Variants in ZIM2 observed in about 807,000 individuals in gnomAD.
The protein encoded by ZIM2 is zinc finger imprinted 2, also known as zinc finger protein 656.
Under a neutral mutation model 38.6 loss-of-function variants are expected in ZIM2, and 14 were observed. The ratio of observed to expected loss-of-function variants is 0.36; its 90% CI spans 0.24 to 0.57. The LOEUF is 0.57. ZIM2 is among the 20% of genes least tolerant of loss of function. The pLI, the probability that ZIM2 is intolerant of heterozygous loss-of-function variation, is 0.81. For synonymous variants in ZIM2, 247 were observed against 245.8 expected, an observed-to-expected ratio of 1.00 and a Z score of -0.04; for missense variants, 680 against 695.1, an observed-to-expected ratio of 0.98 and a Z score of 0.24.
intron 9 of ZIM2, chr19:56,815,664 G>A (rs1341796850): frequency 1.2e-6 from 2 of 1,614,012 alleles, no homozygotes; most frequent in African/African-American, 1.3e-5. Flanking sequence ...GGACATTTGA[G>A]CTGGGAACAG....
intron 2 of ZIM2, chr19:56,833,272 C>T: frequency 2.2e-6 from 1 of 455,220 alleles, no homozygotes; most frequent in South Asian, 1.6e-5. Context: ...ATTCAGCCCC[C>T]TAACTCGTTC....
At chr19:56,779,682 C>A (rs2046222010) in intron 11 of ZIM2, among the ~76,000 whole-genome samples, 1 of 152,030 alleles carries the variant, frequency 6.6e-6, no homozygotes, top group African/African-American at 2.4e-5. Context: ...GGAGGGGTTC[C>A]TAGTGTCTAG....
At chr19:56,832,387 G>A (rs1468205821) in intron 2 of ZIM2, among the ~76,000 whole-genome samples, 1 of 151,954 alleles carries the variant, frequency 6.6e-6, no homozygotes, top group East Asian at 1.9e-4. Flanking sequence ...CACAGAGGGG[G>A]CTAACACGCA....
chr19:56,774,758 C>A lies in ZIM2; in HGVS notation c.1607G>T (p.Arg536Leu). The A allele has an allele frequency of 1.9e-6, 3 of 1,614,072 alleles. No homozygotes were observed. The highest frequency in any genetic ancestry group is 2.5e-6 in the Non-Finnish European group (3 of 1,180,012). The part of the protein sequence containing the change: ...QCQLCGKCFG[R>L]PSYLTQHYQL... The stretch of plus-strand genomic sequence containing the variant: ...ATAATGTTGAGTGAGGTATGAGGGT[C>A]GGCCGAAACATTTCCCACATAGCTG... Residue 536 changes from arginine (R) to leucine (L), a missense_variant, in exon 13 of 13, where the codon CGA becomes CTA. Arg to Leu is a moderately radical substitution (Grantham distance 102, BLOSUM62 -2). Transcript: ENST00000629319.
intron 12 of ZIM2, among the ~76,000 whole-genome samples, chr19:56,778,192 T>A (rs2046124435): frequency 1.3e-5 from 2 of 152,242 alleles, no homozygotes. Flanking sequence ...GGAAGAGATT[T>A]GTCTGTCTTA....
rs2045941292 is a variant in ZIM2, at chr19:56,775,295, T to C, written c.1070A>G (p.Lys357Arg). 1 of 1,614,050 alleles carries C rather than the reference T, an allele frequency of 6.2e-7. No individual in the cohort carries two copies. The highest frequency in any genetic ancestry group is 8.5e-7 in the Non-Finnish European group (1 of 1,180,030). Residue 357 changes from lysine to arginine, a missense_variant, in exon 13 of 13, where the codon AAA (lysine) becomes AGA (arginine). Physicochemically the swap from Lys to Arg is conservative, Grantham distance 26. Coordinates refer to ENST00000629319, the MANE Select transcript of ZIM2 (RefSeq NM_001387356.1). ...TSPQSASQENKHNRCEFCKRT... is the reference protein window; with the variant it reads ...TSPQSASQENRHNRCEFCKRT... ...TTTGCAAAATTCACATCTGTTGTGT[T>C]TGTTCTCTTGGGATGCTGACTGGGG...
chr19:56,810,465 A>G (rs946170466), intron 9 of ZIM2: 1 of 984,528 alleles, frequency 1.0e-6, no homozygotes, highest in Admixed American at 6.1e-5. Flanking sequence ...CCTAATAATC[A>G]CAGACTAGTG....
chr19:56,836,470 A>G (rs532388641), intron 1 of ZIM2, among the ~76,000 whole-genome samples: 4 of 152,210 alleles, frequency 2.6e-5, no homozygotes, highest in Non-Finnish European at 5.9e-5. Context: ...ATTAGGTAAT[A>G]GTACCCTTTA....
chr19:56,829,156 G>C (rs1213588950), intron 2 of ZIM2, among the ~76,000 whole-genome samples: 2 of 152,052 alleles, frequency 1.3e-5, no homozygotes, highest in Non-Finnish European at 2.9e-5. Flanking sequence ...TTCGAGACCA[G>C]CCTGGCCAAC....
At chr19:56,839,999 G>A (rs540423058) in intron 1 of ZIM2, among the ~76,000 whole-genome samples, 1 of 152,304 alleles carries the variant, frequency 6.6e-6, no homozygotes, top group South Asian at 2.1e-4. Context: ...ACAGCCCTTC[G>A]CCCCTCCCAC....
intron 2 of ZIM2, chr19:56,833,187 A>G (rs201452985): frequency 2.3e-5 from 12 of 516,718 alleles, no homozygotes; most frequent in Non-Finnish European, 1.5e-5. Flanking sequence ...CATCTGATGC[A>G]GGAGAAAATC....
At chr19:56,823,352 A>G (rs2060687345) in intron 5 of ZIM2, among the ~76,000 whole-genome samples, 2 of 152,226 alleles carry the variant, frequency 1.3e-5, no homozygotes, top group Non-Finnish European at 2.9e-5. Context: ...GCAAATTCCA[A>G]ATAGCTTTAT....
intron 2 of ZIM2, among the ~76,000 whole-genome samples, chr19:56,835,746 C>A (rs537975991): frequency 6.6e-6 from 1 of 152,310 alleles, no homozygotes; most frequent in Non-Finnish European, 1.5e-5. Context: ...TCTCATGCTT[C>A]TTTAATCACC....
At chr19:56,825,907 C>T (rs192987657) in intron 3 of ZIM2, among the ~76,000 whole-genome samples, 101 of 152,308 alleles carry the variant, frequency 6.6e-4, no homozygotes, top group Non-Finnish European at 6.9e-4. Context: ...GTGGTAATCA[C>T]GGTAAACTCA....
In ZIM2 at chr19:56,814,187, T is replaced by TTGGCTCAGCAGCCTCCACTTC. The variant is rs754092967; in HGVS notation, c.490+3538_490+3558dup. 45 of 1,613,404 alleles carry TTGGCTCAGCAGCCTCCACTTC rather than the reference T, an allele frequency of 2.8e-5. No individual in the cohort carries two copies. Among genetic ancestry groups the TTGGCTCAGCAGCCTCCACTTC allele is most frequent in the African/African-American group, 1.7e-4 (13 of 74,980 alleles). On this transcript the variant is annotated intron_variant, in intron 9 of 12. Coordinates refer to ENST00000629319, the MANE Select transcript of ZIM2 (RefSeq NM_001387356.1). The surrounding 1 kb of genome is among the most constrained non-coding windows in gnomAD (Gnocchi z 5.8). ...CCATCTGGCCCTTCAGCCTCTCCGT[T>TTGGCTCAGCAGCCTCCACTTC]TGGCTCAGCAGCCTCCACTTCTGGC...
chr19:56,814,006 G>C lies in ZIM2; in HGVS notation c.490+3740C>G, dbSNP rs2059736662. The C allele has an allele frequency of 1.9e-6, 3 of 1,614,106 alleles. No individual in the cohort carries two copies. Among genetic ancestry groups the C allele is most frequent in the African/African-American group, 2.7e-5 (2 of 75,034 alleles). On this transcript the variant is annotated intron_variant, in intron 9 of 12. Coordinates refer to ENST00000629319, the MANE Select transcript of ZIM2 (RefSeq NM_001387356.1). The surrounding 1 kb of genome is among the most constrained non-coding windows in gnomAD (Gnocchi z 5.8). ...AATTCCCACACCGTCAGGCTCGTCG[G>C]CATCTCCCTCTGGCTCTTCAGCTTT... is the stretch of plus-strand genomic sequence containing the variant.
intron 9 of ZIM2, among the ~76,000 whole-genome samples, chr19:56,792,329 G>C (rs1446395974): frequency 6.6e-6 from 1 of 151,496 alleles, no homozygotes; most frequent in Non-Finnish European, 1.5e-5. Context: ...TCAGGAGTTC[G>C]AGACCAGCCC....
At chr19:56,811,861 G>T in intron 9 of ZIM2, 3 of 985,402 alleles carry the variant, frequency 3.0e-6, no homozygotes, top group Non-Finnish European at 3.6e-6. Context: ...TCTTGCCTCT[G>T]GTGTTTTCTT....
intron 9 of ZIM2, among the ~76,000 whole-genome samples, chr19:56,790,748 G>A (rs1431794474): frequency 2.0e-5 from 3 of 152,170 alleles, no homozygotes; most frequent in African/African-American, 7.2e-5. Flanking sequence ...AGTATATATA[G>A]GGTTTGATAA....
Sources: allele counts gnomAD v4.1 joint callset (sites outside exome capture counted in the v4.1 genomes callset), GRCh38; gene constraint gnomAD v4.1.1; non-coding constraint Gnocchi (gnomAD v3.1); transcripts MANE v1.5; gene names NCBI Gene and HGNC (gene_info 2026-07-23, HGNC 2026-07-21).